SLC30A7: variants seen among roughly 807,000 people sequenced by gnomAD.
SLC30A7 encodes zinc transporter 7.
A neutral mutation model predicts 46.0 loss-of-function variants in SLC30A7; 35 were observed. The observed-to-expected ratio is 0.76, with a 90% CI of 0.58 to 1.01. The LOEUF (loss-of-function observed/expected upper bound fraction) is 1.01, where lower values mean the gene tolerates loss of function less well. Among genes scored for constraint, SLC30A7 ranks in the 50% least tolerant of loss-of-function variants. The probability of loss-of-function intolerance (pLI) is 0.00; values close to 1 mark genes in which losing one functional copy is unlikely to be tolerated. For synonymous variants in SLC30A7, 147 were observed against 157.8 expected, an observed-to-expected ratio of 0.93 and a Z score of 0.51; for missense variants, 464 against 451.1, an observed-to-expected ratio of 1.03 and a Z score of -0.26.
intron 2 of SLC30A7, among the ~76,000 whole-genome samples, chr1:100,902,389 G>A (rs1280949668): frequency 1.3e-5 from 2 of 151,984 alleles, no homozygotes; most frequent in East Asian, 1.9e-4. Context: ...TGTGCAAAAG[G>A]AATTTTTATT....
chr1:100,995,201 A>T, the SLC30A7 span: 1 of 1,314,616 alleles, frequency 7.6e-7, no homozygotes, highest in African/African-American at 1.5e-5. Flanking sequence ...TTTATCCAAA[A>T]CCCTATGTGT....
chr1:100,913,352 T>TA (rs1652258321), intron 5 of SLC30A7, among the ~76,000 whole-genome samples: 1 of 152,216 alleles, frequency 6.6e-6, no homozygotes, highest in South Asian at 2.1e-4. Flanking sequence ...TAGAAAATGT[T>TA]ACCAATAAAT....
intron 8 of SLC30A7, among the ~76,000 whole-genome samples, chr1:100,935,139 T>G (rs1653877689): frequency 6.6e-6 from 1 of 152,238 alleles, no homozygotes; most frequent in Admixed American, 6.5e-5. Flanking sequence ...AGAAATACCC[T>G]CTATATAACC....
rs930385954 is a variant in SLC30A7, at chr1:100,913,551, TATTGA to T, written c.512-106_512-102del. 72 of 749,962 alleles carry T rather than the reference TATTGA, an allele frequency of 9.6e-5. No homozygotes were observed. In the African/African-American group the frequency reaches 1.2e-3, roughly 13 times the overall value. The allele number at this position is 749,962 out of a possible 1,614,324, so 46.5% of individuals were successfully genotyped here. ...GTAACACTTTTTACAAGTAAATGTTTATTGAATTGATCTGAGTTTAGAGCTGATTC... is the reference window on the plus strand; with the variant it reads ...GTAACACTTTTTACAAGTAAATGTTTATTGATCTGAGTTTAGAGCTGATTC... On this transcript the variant is annotated intron_variant, in intron 5 of 10. Transcript: ENST00000357650.
intron 9 of SLC30A7, among the ~76,000 whole-genome samples, chr1:100,963,446 A>G (rs751897526): frequency 1.3e-5 from 2 of 152,182 alleles, no homozygotes; most frequent in Admixed American, 1.3e-4. Context: ...CCTTGTTAAG[A>G]GCAATTTCAT....
At chr1:100,898,755 C>A (rs746908209) in intron 2 of SLC30A7, among the ~76,000 whole-genome samples, 1 of 152,228 alleles carries the variant, frequency 6.6e-6, no homozygotes, top group African/African-American at 2.4e-5. Flanking sequence ...CTTTATATGA[C>A]CAGAAGATTA....
chr1:100,900,576 C>T (rs546798850), intron 2 of SLC30A7, among the ~76,000 whole-genome samples: 2 of 152,190 alleles, frequency 1.3e-5, no homozygotes, highest in East Asian at 3.9e-4. Context: ...ATTTTATTTC[C>T]CACCTTAAAA....
At chr1:100,954,118 T>G (rs1182678533) in intron 8 of SLC30A7, among the ~76,000 whole-genome samples, 1 of 152,148 alleles carries the variant, frequency 6.6e-6, no homozygotes, top group Non-Finnish European at 1.5e-5. Flanking sequence ...AGCAGACGTG[T>G]TAAGTGGTTA....
At chr1:100,971,261 G>C (rs150262009) in intron 10 of SLC30A7, among the ~76,000 whole-genome samples, 2 of 152,038 alleles carry the variant, frequency 1.3e-5, no homozygotes, top group African/African-American at 4.8e-5. Flanking sequence ...CTTGAGGGAG[G>C]GGGTACAGAG....
At chr1:100,907,892 CT>C (rs1226860219) in intron 3 of SLC30A7, among the ~76,000 whole-genome samples, 2 of 151,960 alleles carry the variant, frequency 1.3e-5, no homozygotes, top group Non-Finnish European at 2.9e-5. Context: ...TGCTCATGCT[CT>C]TTTTTCCTCT....
intron 3 of SLC30A7, among the ~76,000 whole-genome samples, chr1:100,908,240 G>A (rs1651822293): frequency 1.3e-5 from 2 of 151,342 alleles, no homozygotes; most frequent in Non-Finnish European, 2.9e-5. Flanking sequence ...TCCCTGGCTT[G>A]GCTTCTTTCT....
In SLC30A7 at chr1:100,974,924, T is replaced by C; in HGVS notation, c.*67T>C. ...TCTGGTACTGTACGATCCAAAACAT[T>C]GTACCCAGCTTTTTAAAAGAGAGAA... On this transcript the variant is annotated 3_prime_UTR_variant, in exon 11 of 11. Transcript: ENST00000357650. 3 of 1,296,132 alleles carry C rather than the reference T, an allele frequency of 2.3e-6. No individual in the cohort carries two copies. Among genetic ancestry groups the C allele is most frequent in the Non-Finnish European group, 2.2e-6 (2 of 924,940 alleles). The allele number at this position is 1,296,132 out of a possible 1,614,324, so 80.3% of individuals were successfully genotyped here. A position where few individuals can be genotyped will look rare whatever the true frequency, so the allele number is the denominator to read the frequency against.
At chr1:100,928,349 G>A (rs574239959) in intron 8 of SLC30A7, among the ~76,000 whole-genome samples, 1 of 152,150 alleles carries the variant, frequency 6.6e-6, no homozygotes, top group African/African-American at 2.4e-5. Context: ...TAGTGCTCTA[G>A]GGAAGACAGT....
intron 8 of SLC30A7, among the ~76,000 whole-genome samples, chr1:100,935,519 A>G (rs917087626): frequency 2.0e-5 from 3 of 152,184 alleles, no homozygotes; most frequent in Non-Finnish European, 4.4e-5. Flanking sequence ...TGACTAACTT[A>G]TTTTTGGCTA....
intron 2 of SLC30A7, among the ~76,000 whole-genome samples, chr1:100,898,255 G>A (rs867384760): frequency 7.9e-5 from 12 of 152,140 alleles, no homozygotes; most frequent in African/African-American, 1.9e-4. Context: ...TCTCATTCAA[G>A]AGATTCACAC....
rs1194442861 is a variant in SLC30A7 at position 100,977,021 on chromosome 1, G to A, written c.*2164G>A. ...CTACAAATATAAGTAGTCATTAGAAGTTTGCAACCACCACCAAGTCTGAGA... is the reference window on the plus strand; with the variant it reads ...CTACAAATATAAGTAGTCATTAGAAATTTGCAACCACCACCAAGTCTGAGA... On this transcript the variant is annotated 3_prime_UTR_variant, in exon 11 of 11. Transcript: ENST00000357650. 1 of 152,234 alleles carries A rather than the reference G, an allele frequency of 6.6e-6. No homozygotes were observed. The highest frequency in any genetic ancestry group is 1.9e-4 in the East Asian group (1 of 5,196). The allele number at this position is 152,234 out of a possible 1,614,324, so 9.4% of individuals were successfully genotyped here.
intron 2 of SLC30A7, among the ~76,000 whole-genome samples, chr1:100,901,028 A>G (rs1368264778): frequency 1.3e-5 from 2 of 152,170 alleles, no homozygotes; most frequent in Admixed American, 6.5e-5. Context: ...CTGTCCCACC[A>G]TTGGATTGTT....
downstream of SLC30A7, among the ~76,000 whole-genome samples, chr1:100,983,404 A>C (rs778035214): frequency 7.1e-4 from 88 of 124,544 alleles, no homozygotes; most frequent in Admixed American, 2.1e-3. Context: ...AACAAAACAA[A>C]ACAAAAAAAA....
rs1233355398 is a variant in SLC30A7, at chr1:100,921,832, T to C, written c.833T>C (p.Ile278Thr). ...PICSILIAIL[I>T]VVSVIPLLRE... is the part of the protein sequence containing the mutation. ...TGTTCAATTCTTATAGCCATTCTTA[T>C]AGTTGTAAGGTAAGTGTTATTGTTA... Residue 278 changes from isoleucine (I) to threonine (T), a missense_variant, in exon 8 of 11, where the codon ATA becomes ACA. Transcript: ENST00000357650. 2 of 1,612,578 alleles carry C rather than the reference T, an allele frequency of 1.2e-6. No homozygotes were observed. The highest frequency in any genetic ancestry group is 8.5e-7 in the Non-Finnish European group (1 of 1,179,554).
Sources: gnomAD v4.1 joint callset for allele counts (sites outside exome capture counted in the v4.1 genomes callset) on GRCh38, gnomAD v4.1.1 for gene constraint, MANE v1.5 for transcripts, NCBI Gene and HGNC (gene_info 2026-07-23, HGNC 2026-07-21) for gene names.